The following NTM variants were observed in gnomAD, a reference collection of about 807,000 sequenced individuals.
NTM encodes the protein IgLON family member 2.
Under a neutral mutation model 42.1 loss-of-function variants are expected in NTM, and 13 were observed. That is an observed-to-expected ratio of 0.31 (90% CI 0.20 to 0.49). The LOEUF is 0.49. NTM is among the 20% of genes least tolerant of loss of function. The probability of loss-of-function intolerance (pLI) is 0.99; values close to 1 mark genes in which losing one functional copy is unlikely to be tolerated. For missense variants in NTM, 373 were observed against 452.8 expected, an observed-to-expected ratio of 0.82 and a Z score of 1.60; for synonymous variants, 187 against 179.2, an observed-to-expected ratio of 1.04 and a Z score of -0.35.
chr11:131,844,142 T>G (rs533647613), intron 1 of NTM, among the ~76,000 whole-genome samples: 1 of 152,342 alleles, frequency 6.6e-6, no homozygotes, highest in South Asian at 2.1e-4. Context: ...ATATTTGTAT[T>G]CTAATAATGG....
chr11:131,892,322 A>G (rs1324375131), intron 1 of NTM, among the ~76,000 whole-genome samples: 2 of 152,262 alleles, frequency 1.3e-5, no homozygotes, highest in Admixed American at 6.5e-5. Flanking sequence ...GATATCAATT[A>G]TGGTTATTGT....
In NTM at chr11:132,329,862, G is replaced by A. The variant is rs140659967; in HGVS notation, c.935-291G>A. 3.5e-3 allele frequency among the ~76,000 whole-genome samples: 526 copies of A among 152,308 alleles called. 1 individual carries two copies. The highest frequency in any genetic ancestry group is 0.01 in the African/African-American group (421 of 41,560). Reference sequence around the variant, plus strand: ...GCTGTGTCACCTGCTAAAATCAGGCGGACATCTTGGCTCTGCTTCCATCTG... The same window carrying A: ...GCTGTGTCACCTGCTAAAATCAGGCAGACATCTTGGCTCTGCTTCCATCTG... On this transcript the variant is annotated intron_variant, in intron 7 of 8. Transcript: ENST00000683400.
At chr11:132,271,823 T>G (rs1263716156) in intron 4 of NTM, among the ~76,000 whole-genome samples, 1 of 151,986 alleles carries the variant, frequency 6.6e-6, no homozygotes, top group African/African-American at 2.4e-5. Context: ...TTGGCAGATA[T>G]TGTCTCTCAT....
intron 1 of NTM, among the ~76,000 whole-genome samples, chr11:131,789,600 A>AGAG (rs2090383280): frequency 2.4e-5 from 2 of 81,988 alleles, no homozygotes; most frequent in African/African-American, 5.8e-5. Context: ...AAGAAGAAGA[A>AGAG]GAAGAAGAAG....
chr11:131,746,583 G>A (rs73593036), intron 1 of NTM, among the ~76,000 whole-genome samples: 8,525 of 152,192 alleles, frequency 0.056, 795 homozygotes, highest in African/African-American at 0.19. Flanking sequence ...CATGTTGTCT[G>A]TCTCCTCCTG....
chr11:132,168,623 C>G (rs1044408332), intron 3 of NTM, among the ~76,000 whole-genome samples: 1 of 152,184 alleles, frequency 6.6e-6, no homozygotes, highest in Non-Finnish European at 1.5e-5. Context: ...CCATCATTTG[C>G]TTTATTAAAT....
At chr11:131,578,854 T>G (rs376172772) in intron 1 of NTM, among the ~76,000 whole-genome samples, 3 of 152,150 alleles carry the variant, frequency 2.0e-5, no homozygotes, top group African/African-American at 7.2e-5. Flanking sequence ...GATACATTAC[T>G]TCTTGTGAAG....
At chr11:132,191,476 A>G (rs190212068) in intron 3 of NTM, among the ~76,000 whole-genome samples, 15 of 152,344 alleles carry the variant, frequency 9.8e-5, no homozygotes, top group Admixed American at 5.9e-4. Flanking sequence ...CCCAGCTTGC[A>G]TCGCAGTCAA....
chr11:131,658,912 C>T (rs1308641220), intron 1 of NTM, among the ~76,000 whole-genome samples: 2 of 152,098 alleles, frequency 1.3e-5, no homozygotes, highest in Non-Finnish European at 2.9e-5. Flanking sequence ...CAGAGGTTGG[C>T]AGTGAGCTGA....
chr11:131,988,371 G>A (rs535574322), intron 2 of NTM, among the ~76,000 whole-genome samples: 10 of 152,242 alleles, frequency 6.6e-5, no homozygotes, highest in South Asian at 2.1e-4. Context: ...TTTGCACAAC[G>A]GATATCCAAC....
At chr11:131,485,753 A>G (rs551323888) in intron 1 of NTM, among the ~76,000 whole-genome samples, 75 of 152,330 alleles carry the variant, frequency 4.9e-4, no homozygotes, top group Non-Finnish European at 9.8e-4. Flanking sequence ...GACTTAATTT[A>G]TGCTTGTCTG....
chr11:131,729,395 C>A (rs1389806955), intron 1 of NTM, among the ~76,000 whole-genome samples: 2 of 152,154 alleles, frequency 1.3e-5, no homozygotes, highest in African/African-American at 4.8e-5. Flanking sequence ...TCTGTGAAAA[C>A]AAGTTAATTT....
At chr11:131,852,152 A>G (rs980703944) in intron 1 of NTM, among the ~76,000 whole-genome samples, 1 of 152,148 alleles carries the variant, frequency 6.6e-6, no homozygotes, top group Non-Finnish European at 1.5e-5. Context: ...GGCGGCTCCC[A>G]TGGAGCCATG....
At chr11:131,782,229 C>T (rs1365003985) in intron 1 of NTM, among the ~76,000 whole-genome samples, 1 of 152,034 alleles carries the variant, frequency 6.6e-6, no homozygotes, top group South Asian at 2.1e-4. Flanking sequence ...CTTCTACAGA[C>T]ATTAAAAGGA....
chr11:131,659,932 A>G (rs139837438), intron 1 of NTM, among the ~76,000 whole-genome samples: 27 of 152,360 alleles, frequency 1.8e-4, no homozygotes, highest in African/African-American at 6.5e-4. Flanking sequence ...CAGGCATAAG[A>G]AGAAGAAGAC....
In NTM at chr11:132,282,976, C is replaced by CTTTTT. The variant is rs142817071; in HGVS notation, c.527-24692_527-24688dup. 9.1e-3 allele frequency among the ~76,000 whole-genome samples: 992 copies of CTTTTT among 108,778 alleles called. 12 individuals are homozygous for CTTTTT. Among genetic ancestry groups the CTTTTT allele is most frequent in the Non-Finnish European group, 0.013 (742 of 55,772 alleles). The allele number at this position is 108,778 out of a possible 152,430, so 71.4% of individuals were successfully genotyped here. A position where few individuals can be genotyped will look rare whatever the true frequency, so the allele number is the denominator to read the frequency against. On this transcript the variant is annotated intron_variant, in intron 4 of 8. Coordinates refer to ENST00000683400, the MANE Select transcript of NTM (RefSeq NM_001352005.2). Reference sequence around the variant, plus strand: ...AATGAAACGGGAAATTCCTTTATTCCTTTTTTTTTTTTTTTTTTTTTTTTT... The same window carrying CTTTTT: ...AATGAAACGGGAAATTCCTTTATTCCTTTTTTTTTTTTTTTTTTTTTTTTTTTTTT...
At chr11:131,546,394 G>A (rs2053951617) in intron 1 of NTM, among the ~76,000 whole-genome samples, 1 of 152,140 alleles carries the variant, frequency 6.6e-6, no homozygotes, top group Admixed American at 6.6e-5. Flanking sequence ...CCTGGCCACT[G>A]TCCTGTTTCC....
chr11:131,889,987 T>G (rs150286838), intron 1 of NTM, among the ~76,000 whole-genome samples: 1 of 152,230 alleles, frequency 6.6e-6, no homozygotes, highest in African/African-American at 2.4e-5. Flanking sequence ...TCATTTCTCT[T>G]GTTCACAGAG....
At chr11:132,246,716 A>G (rs2091222506) in intron 4 of NTM, among the ~76,000 whole-genome samples, 1 of 152,236 alleles carries the variant, frequency 6.6e-6, no homozygotes, top group Non-Finnish European at 1.5e-5. Context: ...ACCAAGTGAC[A>G]TCCTAAACAC....
Sources: allele counts gnomAD v4.1 joint callset (sites outside exome capture counted in the v4.1 genomes callset), GRCh38; gene constraint gnomAD v4.1.1; transcripts MANE v1.5; gene names NCBI Gene and HGNC (gene_info 2026-07-23, HGNC 2026-07-21).